Variants in IPO7 observed in about 807,000 individuals in gnomAD.
The protein encoded by IPO7 is importin 7.
In IPO7, 13 loss-of-function variants were observed where a neutral mutation model predicts 136.4. The observed-to-expected ratio is 0.10, with a 90% CI of 0.06 to 0.15. IPO7 has a LOEUF of 0.15. Among genes scored for constraint, IPO7 ranks in the 10% least tolerant of loss-of-function variants. The pLI, the probability that IPO7 is intolerant of heterozygous loss-of-function variation, is 1.00. For synonymous variants in IPO7, 403 were observed against 404.4 expected (o/e 1.00, Z 0.04); for missense variants, 857 against 1,240.6 (o/e 0.69, Z 4.65).
At chr11:9,398,680 C>A (rs374512226) in intron 1 of IPO7, among the ~76,000 whole-genome samples, 7 of 152,138 alleles carry the variant, frequency 4.6e-5, no homozygotes, top group Admixed American at 4.6e-4. Context: ...ACGTAATGAT[C>A]AAATCAGGGT....
chr11:9,416,297 T>C lies in IPO7; in HGVS notation c.637-762T>C, dbSNP rs187548389. Among the ~76,000 whole-genome samples, 56 of 152,384 alleles carry C rather than the reference T, an allele frequency of 3.7e-4. 1 individual carries two copies. The East Asian group carries it at 8.3e-3, about 23-fold the overall frequency. ...AAAGACATTCAGGTATCTCCCACTCTGAATCTAAGGGCACCTTAATGCCAT... is the reference window on the plus strand; with the variant it reads ...AAAGACATTCAGGTATCTCCCACTCCGAATCTAAGGGCACCTTAATGCCAT... On this transcript the variant is annotated intron_variant, in intron 5 of 24. Transcript: ENST00000379719.
Position 9,420,422 on chromosome 11 carries a change from A to G in IPO7, c.738A>G (p.Gln246=). 1 of 1,606,842 alleles carries G rather than the reference A, an allele frequency of 6.2e-7. No homozygotes were observed. The highest frequency in any genetic ancestry group is 8.5e-7 in the Non-Finnish European group (1 of 1,175,146). Residue 246 remains glutamine (Q), a synonymous_variant, in exon 7 of 25, where the codon CAA becomes CAG. Coordinates refer to ENST00000379719, the MANE Select transcript of IPO7 (RefSeq NM_006391.3). ...VNRDVPNETL[Q]VEEDDRPELP... ...GTGTCTTTTTAAAGGAAACACTTCA[A>G]GTTGAAGAAGATGATCGACCTGAGT...
At chr11:9,416,951 G>C (rs906960255) in intron 5 of IPO7, 108 bp from the exon 6 acceptor site, 1 of 521,138 alleles carries the variant, frequency 1.9e-6, no homozygotes, top group Non-Finnish European at 3.5e-6. Flanking sequence ...CTAAAAGCAG[G>C]AAATGTGGAT....
At chr11:9,420,306 G>A in intron 6 of IPO7, 105 bp from the exon 7 acceptor site, 2 of 666,778 alleles carry the variant, frequency 3.0e-6, no homozygotes, top group South Asian at 2.0e-5. Context: ...AAAAAAAAAA[G>A]GCCAGCATTA....
rs1854525634 is a variant in IPO7, at chr11:9,384,750, G to C, written c.-14G>C. The C allele has an allele frequency of 1.3e-6, 2 of 1,587,936 alleles. No homozygotes were observed. Among genetic ancestry groups the C allele is most frequent in the Admixed American group, 3.5e-5 (2 of 57,356 alleles). ...TAGCACCCGAGCCCCGGGTTTGACC[G>C]AGTCCGCGCTGCGATGGACCCCAAC... On this transcript the variant is annotated 5_prime_UTR_variant, in exon 1 of 25. Coordinates refer to ENST00000379719, the MANE Select transcript of IPO7 (RefSeq NM_006391.3).
intron 5 of IPO7, among the ~76,000 whole-genome samples, chr11:9,416,382 A>G (rs912000163): frequency 7.9e-5 from 12 of 152,174 alleles, no homozygotes; most frequent in African/African-American, 2.9e-4. Context: ...TAGTCTTTTC[A>G]ATATTTTTTC....
At chr11:9,436,191 G>A in intron 19 of IPO7, 80 bp from the exon 20 acceptor site, 1 of 893,316 alleles carries the variant, frequency 1.1e-6, no homozygotes, top group Non-Finnish European at 1.8e-6. Context: ...CTGTACACAG[G>A]GTAGGAAATT....
rs773898153 is a variant in IPO7 at position 9,436,299 on chromosome 11, C to G, written c.2201C>G (p.Ala734Gly). ...KVLTGVAGED[A>G]ECHAAKLLEV... ...CTTACAGGAGTTGCAGGAGAAGATG[C>G]AGAGTGTCATGCAGCAAAATTGTTA... Residue 734 changes from alanine to glycine, a missense_variant, in exon 20 of 25, where the codon GCA (alanine) becomes GGA (glycine). Ala to Gly is a moderately conservative substitution (Grantham distance 60, BLOSUM62 0). Transcript: ENST00000379719. 4 of 1,613,510 alleles carry G rather than the reference C, an allele frequency of 2.5e-6. No individual in the cohort carries two copies. The African/African-American group carries it at 4.0e-5, about 16-fold the overall frequency.
intron 8 of IPO7, among the ~76,000 whole-genome samples, chr11:9,421,676 T>G (rs10840236): frequency 0.57 from 82,526 of 145,860 alleles, 24,029 homozygotes; most frequent in Non-Finnish European, 0.66. Context: ...TGGGCGCAGT[T>G]GCTCACGCCT....
intron 1 of IPO7, among the ~76,000 whole-genome samples, chr11:9,401,916 A>G (rs563654615): frequency 4.6e-5 from 7 of 152,270 alleles, no homozygotes; most frequent in Admixed American, 4.6e-4. Context: ...ACTACCCCCA[A>G]ACTATTCATT....
Position 9,437,834 on chromosome 11 carries a change from G to A in IPO7, c.2349G>A (p.Leu783=). Residue 783 remains leucine, a synonymous_variant, in exon 21 of 25, where the codon CTG becomes CTA. Transcript: ENST00000379719. ...VKTSELRTMC[L]QVAIAALYYN... ...CAAGTGAACTTCGAACTATGTGTCT[G>A]CAAGTTGCAATTGCAGCTTTGTATT... 1 of 1,613,914 alleles carries A rather than the reference G, an allele frequency of 6.2e-7. No individual in the cohort carries two copies. Among genetic ancestry groups the A allele is most frequent in the African/African-American group, 1.3e-5 (1 of 75,042 alleles).
intron 24 of IPO7, among the ~76,000 whole-genome samples, chr11:9,443,815 A>G (rs1298682543): frequency 6.6e-6 from 1 of 151,580 alleles, no homozygotes; most frequent in Non-Finnish European, 1.5e-5. Context: ...CTGGAGGATC[A>G]CTTGAATGTG....
At chr11:9,439,557 T>G (rs1855430792) in intron 22 of IPO7, among the ~76,000 whole-genome samples, 1 of 151,996 alleles carries the variant, frequency 6.6e-6, no homozygotes, top group African/African-American at 2.4e-5. Context: ...ACAAGATTTA[T>G]GGGGGTTTTT....
intron 1 of IPO7, among the ~76,000 whole-genome samples, chr11:9,401,239 T>G (rs1854791407): frequency 6.6e-6 from 1 of 151,212 alleles, no homozygotes; most frequent in African/African-American, 2.4e-5. Flanking sequence ...TGTGAACATG[T>G]GTAGAAAAAT....
chr11:9,403,528 A>G, intron 2 of IPO7, 157 bp downstream of exon 2: 1 of 570,022 alleles, frequency 1.8e-6, no homozygotes, highest in Non-Finnish European at 3.1e-6. Context: ...GTACCTTGAT[A>G]TCTGGTGGCA....
intron 22 of IPO7, 63 bp downstream of exon 22, chr11:9,438,348 C>T (rs758383282): frequency 7.5e-5 from 80 of 1,063,018 alleles, no homozygotes; most frequent in Non-Finnish European, 9.4e-5. Context: ...CGCACTGGGC[C>T]GGGCGCAGTG....
rs1855525109 is a variant in IPO7, at chr11:9,446,195, A to G, written c.*1001A>G. Reference sequence around the variant, plus strand: ...TAAGAGTATGGCTAAACATCTATATATGCAATCTATTAAAAGAACTTAATT... The same window carrying G: ...TAAGAGTATGGCTAAACATCTATATGTGCAATCTATTAAAAGAACTTAATT... On this transcript the variant is annotated 3_prime_UTR_variant, in exon 25 of 25. Transcript: ENST00000379719. 1 of 152,230 alleles carries G rather than the reference A, an allele frequency of 6.6e-6. No individual in the cohort carries two copies. The highest frequency in any genetic ancestry group is 1.5e-5 in the Non-Finnish European group (1 of 68,038). 9.4% of individuals were successfully genotyped at this position (152,230 alleles called of 1,614,324 possible).
Position 9,400,462 on chromosome 11 carries a change from C to G in IPO7, c.85-2828C>G, listed in dbSNP as rs1255286520. ...TTTCTGAGACCTAATCTCGCTGTCG[C>G]CCAGGCTGGAGTGCGGTGGCGCGAT... On this transcript the variant is annotated intron_variant, in intron 1 of 24. Transcript: ENST00000379719. Among the ~76,000 whole-genome samples the G allele has an allele frequency of 5.9e-5, 9 of 152,100 alleles. No homozygotes were observed. The East Asian group carries it at 1.7e-3, about 29-fold the overall frequency.
rs1357624874 is a variant in IPO7, at chr11:9,447,371, CT to C, written c.*2179del. On this transcript the variant is annotated 3_prime_UTR_variant, in exon 25 of 25. Transcript: ENST00000379719. The stretch of plus-strand genomic sequence containing the variant: ...ACTAATCTCCGTTTACAGACTTTAA[CT>C]TGAAATTAGACCTTATAATTAAACT... 1 of 152,164 alleles carries C rather than the reference CT, an allele frequency of 6.6e-6. No homozygotes were observed. The highest frequency in any genetic ancestry group is 6.6e-5 in the Admixed American group (1 of 15,264). 9.4% of individuals were successfully genotyped at this position (152,164 alleles called of 1,614,324 possible).
Sources: allele counts gnomAD v4.1 joint callset (sites outside exome capture counted in the v4.1 genomes callset), GRCh38; gene constraint gnomAD v4.1.1; transcripts MANE v1.5; gene names NCBI Gene and HGNC (gene_info 2026-07-23, HGNC 2026-07-21).